Variants in HORMAD2 observed in about 807,000 individuals in gnomAD.
HORMAD2 encodes the protein HORMA domain-containing protein 2.
HORMAD2 carries 45 observed loss-of-function variants against 38.8 expected under a neutral mutation model. The ratio of observed to expected loss-of-function variants is 1.16; its 90% CI spans 0.91 to 1.49. HORMAD2 has a LOEUF of 1.49. Ranked by LOEUF, HORMAD2 falls within the 40% of genes most tolerant of loss-of-function variation. The pLI, the probability that HORMAD2 is intolerant of heterozygous loss-of-function variation, is 0.00. For synonymous variants in HORMAD2, 126 were observed against 122.8 expected (o/e 1.03, Z -0.17); for missense variants, 338 against 367.0 (o/e 0.92, Z 0.65).
chr22:30,097,057 C>A (rs566975942), intron 2 of HORMAD2, among the ~76,000 whole-genome samples: 1 of 152,274 alleles, frequency 6.6e-6, no homozygotes, highest in African/African-American at 2.4e-5. Context: ...ATTGACACAA[C>A]ACCGGCTGGA....
chr22:30,186,079 A>G, the HORMAD2 span, among the ~76,000 whole-genome samples: 1 of 152,144 alleles, frequency 6.6e-6, no homozygotes, highest in African/African-American at 2.4e-5. Context: ...GGTGATAGTT[A>G]ACTAAATCAC....
At chr22:30,103,406 A>G (rs1398363886) in intron 3 of HORMAD2, 31 bp from the exon 4 acceptor site, 39 of 1,323,016 alleles carry the variant, frequency 2.9e-5, no homozygotes, top group Middle Eastern at 1.8e-4. Flanking sequence ...CATTTAGTAG[A>G]TAAAAATAGA....
At chr22:30,170,118 T>G (rs1360972088) in intron 10 of HORMAD2, among the ~76,000 whole-genome samples, 1 of 152,184 alleles carries the variant, frequency 6.6e-6, no homozygotes, top group Non-Finnish European at 1.5e-5. Context: ...ACCATGGAAA[T>G]CTTTGATCTG....
At chr22:30,088,258 T>TATATACATATATACACAC (rs1327366484) in intron 1 of HORMAD2, among the ~76,000 whole-genome samples, 1 of 150,348 alleles carries the variant, frequency 6.7e-6, no homozygotes, top group Non-Finnish European at 1.5e-5. Flanking sequence ...TATACACACA[T>TATATACATATATACACAC]ATATACATAT....
chr22:30,091,531 G>A (rs2068686780), intron 1 of HORMAD2, among the ~76,000 whole-genome samples: 1 of 152,102 alleles, frequency 6.6e-6, no homozygotes, highest in Admixed American at 6.5e-5. Context: ...CTCCCAAAGT[G>A]CTGGGATTAC....
intron 10 of HORMAD2, among the ~76,000 whole-genome samples, chr22:30,143,456 C>T (rs1342704141): frequency 6.6e-6 from 1 of 152,026 alleles, no homozygotes; most frequent in Non-Finnish European, 1.5e-5. Flanking sequence ...TCTTGGCTGA[C>T]AGTTTTTTTT....
chr22:30,173,923 C>G (rs1316984712), intron 10 of HORMAD2, among the ~76,000 whole-genome samples: 1 of 152,104 alleles, frequency 6.6e-6, no homozygotes, highest in Non-Finnish European at 1.5e-5. Flanking sequence ...ATACTGCTAC[C>G]AAATCAGCTG....
At position 30,122,086 on chromosome 22, in the gene HORMAD2, A is replaced by G. The variant is rs1922488666; in HGVS notation, c.691A>G (p.Lys231Glu). Reference protein sequence around the residue: ...GFVSTGFHSMKVKVMTEATKV... With the variant: ...GFVSTGFHSMEVKVMTEATKV... ...TGTCTCCACTGGCTTTCATAGCATGAAAGTAAAAGTCATGACAGAGGCTAC... is the reference window on the plus strand; with the variant it reads ...TGTCTCCACTGGCTTTCATAGCATGGAAGTAAAAGTCATGACAGAGGCTAC... Residue 231 changes from lysine (K) to glutamate (E), a missense_variant, in exon 10 of 11, where the codon AAA (lysine) becomes GAA (glutamate). Lys to Glu is a moderately conservative substitution (Grantham distance 56, BLOSUM62 1). Transcript: ENST00000336726. 1.2e-6 allele frequency: 2 copies of G among 1,613,698 alleles called. No homozygotes were observed. Among genetic ancestry groups the G allele is most frequent in the African/African-American group, 1.3e-5 (1 of 74,910 alleles).
rs113138528 is a variant in HORMAD2, at chr22:30,166,118, CA to C, written c.820-9944del. Among the ~76,000 whole-genome samples the C allele has an allele frequency of 7.0e-3, 1,064 of 151,906 alleles. 12 individuals carry two copies. Among genetic ancestry groups the C allele is most frequent in the African/African-American group, 0.023 (945 of 41,434 alleles). On this transcript the variant is annotated intron_variant, in intron 10 of 10. Transcript: ENST00000336726. ...TTAGAATCAGCCTAACAAGTTCCAA[CA>C]GACATATTATTGGAATTTTGATTGA...
chr22:30,154,607 A>G (rs2146204533), intron 10 of HORMAD2, among the ~76,000 whole-genome samples: 1 of 152,278 alleles, frequency 6.6e-6, no homozygotes, highest in South Asian at 2.1e-4. Flanking sequence ...GTATTTAGTT[A>G]AATTTCTTTA....
At chr22:30,207,339 G>GCTC in the HORMAD2 span, among the ~76,000 whole-genome samples, 2 of 152,134 alleles carry the variant, frequency 1.3e-5, no homozygotes, top group Non-Finnish European at 2.9e-5. Flanking sequence ...CGTGCCCTGG[G>GCTC]CTCCTATGAA....
intron 1 of HORMAD2, among the ~76,000 whole-genome samples, chr22:30,091,556 ACCCCGG>A (rs956818881): frequency 6.6e-6 from 1 of 151,362 alleles, no homozygotes; most frequent in African/African-American, 2.4e-5. Context: ...ATGAGCTGCC[ACCCCGG>A]CCTATATTTT....
the HORMAD2 span, chr22:30,206,954 C>G: frequency 1.4e-5 from 6 of 414,238 alleles, no homozygotes; most frequent in Non-Finnish European, 3.1e-5. Flanking sequence ...CGGCAATTCC[C>G]CCACCCGCCC....
chr22:30,095,874 ATAAGCC>A (rs2068772512), intron 2 of HORMAD2, among the ~76,000 whole-genome samples: 1 of 152,184 alleles, frequency 6.6e-6, no homozygotes. Context: ...ACACATTGTT[ATAAGCC>A]AGAAGCCAGA....
the HORMAD2 span, among the ~76,000 whole-genome samples, chr22:30,201,712 G>A: frequency 7.9e-5 from 12 of 151,992 alleles, no homozygotes; most frequent in South Asian, 2.1e-4. Flanking sequence ...CACCGTGCCC[G>A]GCAAGTTAAG....
chr22:30,207,262 T>C, the HORMAD2 span: 1 of 337,400 alleles, frequency 3.0e-6, no homozygotes, highest in Non-Finnish European at 6.2e-6. Flanking sequence ...ACTGATTCTT[T>C]TCTTGGGGCT....
At chr22:30,107,447 A>T (rs1458083309) in intron 5 of HORMAD2, among the ~76,000 whole-genome samples, 1 of 152,056 alleles carries the variant, frequency 6.6e-6, no homozygotes, top group Non-Finnish European at 1.5e-5. Flanking sequence ...CTGGTATGAT[A>T]TGTTTTAAAA....
At chr22:30,165,956 A>T (rs1176422038) in intron 10 of HORMAD2, among the ~76,000 whole-genome samples, 2 of 148,792 alleles carry the variant, frequency 1.3e-5, no homozygotes, top group Non-Finnish European at 1.5e-5. Context: ...CTTTATTTTT[A>T]TTATTATTAT....
chr22:30,166,543 A>G (rs1480860092), intron 10 of HORMAD2, among the ~76,000 whole-genome samples: 1 of 152,230 alleles, frequency 6.6e-6, no homozygotes, highest in African/African-American at 2.4e-5. Context: ...GTGTAACTGA[A>G]CACTTTTGTA....
Sources: allele counts gnomAD v4.1 joint callset (sites outside exome capture counted in the v4.1 genomes callset), GRCh38; gene constraint gnomAD v4.1.1; transcripts MANE v1.5; gene names NCBI Gene and HGNC (gene_info 2026-07-23, HGNC 2026-07-21).